The following TRABD2B variants were observed in gnomAD, a reference collection of about 807,000 sequenced individuals.
TRABD2B encodes TraB domain containing 2B, also known as metalloprotease TIKI2.
In TRABD2B, 14 loss-of-function variants were observed where a neutral mutation model predicts 40.1. The observed-to-expected ratio is 0.35, with a 90% confidence interval of 0.23 to 0.55. The LOEUF is 0.55. TRABD2B is among the 20% of genes least tolerant of loss of function. The pLI is 0.90. For missense variants in TRABD2B, 541 were observed against 648.6 expected, an observed-to-expected ratio of 0.83 and a Z score of 1.80; for synonymous variants, 263 against 277.0, an observed-to-expected ratio of 0.95 and a Z score of 0.50.
chr1:47,789,014 C>T (rs1644634722), intron 4 of TRABD2B, among the ~76,000 whole-genome samples: 1 of 152,180 alleles, frequency 6.6e-6, no homozygotes, highest in Non-Finnish European at 1.5e-5. Flanking sequence ...TCTTCTAGTG[C>T]ATAAGACTGG....
intron 2 of TRABD2B, among the ~76,000 whole-genome samples, chr1:47,945,848 A>G (rs1423638199): frequency 1.3e-5 from 2 of 152,230 alleles, no homozygotes; most frequent in Non-Finnish European, 2.9e-5. Flanking sequence ...GGGTAGCTAC[A>G]AAGAAAGCCA....
At chr1:47,927,135 T>A (rs1644980837) in intron 2 of TRABD2B, among the ~76,000 whole-genome samples, 1 of 151,970 alleles carries the variant, frequency 6.6e-6, no homozygotes, top group South Asian at 2.1e-4. Context: ...AGATAAGAGA[T>A]CATTCTTGGG....
At position 47,767,971 on chromosome 1, in the gene TRABD2B, G is replaced by C. The variant is rs12038048; in HGVS notation, c.1350-1865C>G. ...CCTGGCTCAGCTTCAGCTAGGCCAG[G>C]TGGGCAGGGGAGGGAACCCGGGGCC... On this transcript the variant is annotated intron_variant, in intron 6 of 6. Transcript: ENST00000606738. Among the ~76,000 whole-genome samples, 6 of 152,326 alleles carry C rather than the reference G, an allele frequency of 3.9e-5. No homozygotes were observed. In the East Asian group the frequency reaches 1.2e-3, roughly 29 times the overall value.
At chr1:47,967,099 G>A (rs1645614491) in intron 2 of TRABD2B, among the ~76,000 whole-genome samples, 1 of 151,942 alleles carries the variant, frequency 6.6e-6, no homozygotes, top group African/African-American at 2.4e-5. Context: ...GCCTCTGCTG[G>A]CACACAGCTC....
intron 2 of TRABD2B, among the ~76,000 whole-genome samples, chr1:47,879,440 T>C (rs1223655157): frequency 2.0e-5 from 3 of 152,214 alleles, no homozygotes; most frequent in African/African-American, 7.2e-5. Context: ...TACAGGTTTG[T>C]AGTCTAGGAG....
intron 2 of TRABD2B, among the ~76,000 whole-genome samples, chr1:47,815,047 G>A (rs996376602): frequency 1.3e-5 from 2 of 152,202 alleles, no homozygotes; most frequent in Non-Finnish European, 2.9e-5. Flanking sequence ...CAGCAAGCCA[G>A]GGGATGCAGA....
At chr1:47,792,155 A>G (rs1644683570) in intron 4 of TRABD2B, among the ~76,000 whole-genome samples, 1 of 152,220 alleles carries the variant, frequency 6.6e-6, no homozygotes, top group South Asian at 2.1e-4. Context: ...TGGAGAGTGG[A>G]TTCATGAGAG....
At chr1:47,834,305 TA>T (rs1402921598) in intron 2 of TRABD2B, among the ~76,000 whole-genome samples, 3 of 152,166 alleles carry the variant, frequency 2.0e-5, no homozygotes, top group Non-Finnish European at 4.4e-5. Context: ...TACAAGAGAC[TA>T]ACCAAAAAGC....
chr1:47,895,460 C>T (rs1386422111), intron 2 of TRABD2B, among the ~76,000 whole-genome samples: 1 of 144,476 alleles, frequency 6.9e-6, no homozygotes, highest in East Asian at 1.9e-4. Flanking sequence ...ACCCCACTGC[C>T]CCCCTCCCAC....
chr1:47,959,089 G>C (rs1228887600), intron 2 of TRABD2B, among the ~76,000 whole-genome samples: 1 of 152,176 alleles, frequency 6.6e-6, no homozygotes, highest in East Asian at 1.9e-4. Context: ...CATGGAAACT[G>C]AACAACCTGC....
intron 2 of TRABD2B, among the ~76,000 whole-genome samples, chr1:47,897,805 C>A (rs190115409): frequency 1.3e-5 from 2 of 152,300 alleles, no homozygotes; most frequent in African/African-American, 4.8e-5. Context: ...CTCTACCTCT[C>A]TGAGCTTCTG....
chr1:47,961,258 C>A (rs1201667630), intron 2 of TRABD2B, among the ~76,000 whole-genome samples: 9 of 152,096 alleles, frequency 5.9e-5, no homozygotes, highest in Non-Finnish European at 1.0e-4. Context: ...CCATAAAAAC[C>A]CTAGAAGAAA....
At chr1:47,825,388 C>T (rs896428443) in intron 2 of TRABD2B, among the ~76,000 whole-genome samples, 9 of 152,176 alleles carry the variant, frequency 5.9e-5, no homozygotes, top group Non-Finnish European at 1.2e-4. Flanking sequence ...ATTCACTGTC[C>T]CCTCATTCAC....
intron 2 of TRABD2B, among the ~76,000 whole-genome samples, chr1:47,981,327 T>C (rs775070408): frequency 6.8e-4 from 103 of 152,178 alleles, no homozygotes; most frequent in Non-Finnish European, 1.2e-3. Flanking sequence ...TTCTCTCTTT[T>C]CCTTAGATGC....
chr1:47,944,179 A>G (rs1645228139), intron 2 of TRABD2B, among the ~76,000 whole-genome samples: 1 of 152,204 alleles, frequency 6.6e-6, no homozygotes, highest in Non-Finnish European at 1.5e-5. Flanking sequence ...GCCACAGAAC[A>G]TGAAATTCTC....
In TRABD2B at chr1:47,845,230, T is replaced by C. The variant is rs536604554; in HGVS notation, c.667-43611A>G. On this transcript the variant is annotated intron_variant, in intron 2 of 6. Coordinates refer to ENST00000606738, the MANE Select transcript of TRABD2B (RefSeq NM_001194986.2). ...TATGGAAAGAGCATGTCCGTTAGCA[T>C]GGTAGTGATTGATAACTGGAGATGA... Among the ~76,000 whole-genome samples the C allele has an allele frequency of 1.4e-3, 214 of 152,340 alleles. 3 individuals carry two copies. Among genetic ancestry groups the C allele is most frequent in the Admixed American group, 3.2e-3 (49 of 15,306 alleles).
intron 6 of TRABD2B, among the ~76,000 whole-genome samples, chr1:47,772,510 C>T (rs769507857): frequency 1.4e-4 from 22 of 151,808 alleles, no homozygotes; most frequent in Non-Finnish European, 2.4e-4. Context: ...GGCTGAGGAG[C>T]GGCCATATGG....
chr1:47,810,569 G>GGA (rs1644951316), intron 2 of TRABD2B, among the ~76,000 whole-genome samples: 1 of 152,162 alleles, frequency 6.6e-6, no homozygotes, highest in Non-Finnish European at 1.5e-5. Flanking sequence ...GTGAGGCGAC[G>GGA]GACCTGTGTT....
chr1:47,940,176 C>A (rs533250721), intron 2 of TRABD2B, among the ~76,000 whole-genome samples: 8 of 152,314 alleles, frequency 5.3e-5, no homozygotes, highest in African/African-American at 1.9e-4. Flanking sequence ...CTGTCCTATC[C>A]GTAAACTCTG....
Sources: gnomAD v4.1 joint callset for allele counts (sites outside exome capture counted in the v4.1 genomes callset) on GRCh38, gnomAD v4.1.1 for gene constraint, MANE v1.5 for transcripts, NCBI Gene and HGNC (gene_info 2026-07-23, HGNC 2026-07-21) for gene names.